The following DVL1 variants were observed in gnomAD, a reference collection of about 807,000 sequenced individuals.
The protein encoded by DVL1 is segment polarity protein dishevelled homolog DVL-1.
A neutral mutation model predicts 65.0 loss-of-function variants in DVL1; 49 were observed. The ratio of observed to expected loss-of-function variants is 0.75; its 90% CI spans 0.60 to 0.96. The LOEUF is 0.96. DVL1 is among the 40% of genes least tolerant of loss of function. DVL1 has a pLI of 0.00. For missense variants in DVL1, 1,197 were observed against 1,045.4 expected (o/e 1.15, Z -2.00); for synonymous variants, 608 against 433.9 (o/e 1.40, Z -4.99).
chr1:1,346,683 G>A (rs564705891), intron 1 of DVL1, among the ~76,000 whole-genome samples: 1 of 152,360 alleles, frequency 6.6e-6, no homozygotes, highest in South Asian at 2.1e-4. Flanking sequence ...TGCACTGCAA[G>A]GTGGTCAGTC....
chr1:1,338,358 C>T lies in DVL1; in HGVS notation c.1418G>A (p.Ser473Asn). 1.2e-6 allele frequency: 2 copies of T among 1,612,692 alleles called. No individual in the cohort carries two copies. The highest frequency in any genetic ancestry group is 2.2e-5 in the South Asian group (2 of 91,090). Residue 473 changes from serine to asparagine, a missense_variant, in exon 13 of 15, where the codon AGC (serine) becomes AAC (asparagine). By Grantham distance (46) the Ser-to-Asn change is conservative. Coordinates refer to ENST00000378888, the MANE Select transcript of DVL1 (RefSeq NM_001330311.2). ...ERREARKYASSLLKHGFLRHT... is the reference protein window; with the variant it reads ...ERREARKYASNLLKHGFLRHT... ...CCGCAGGAAGCCGTGCTTCAGCAAG[C>T]TGCTGGCGTACTTCCGGGCCTCCCG...
Position 1,337,983 on chromosome 1 carries a change from TCTG to T in DVL1, c.1705_1707del (p.Gln569del), listed in dbSNP as rs1365722012. 1.3e-5 allele frequency: 21 copies of T among 1,611,030 alleles called. No individual in the cohort carries two copies. The highest frequency in any genetic ancestry group is 1.8e-5 in the Non-Finnish European group (21 of 1,179,570). On this transcript the variant is annotated inframe_deletion, in exon 14 of 15. Transcript: ENST00000378888. ...GTAGGGGCGGCGTTCTCACCTTCAC[TCTG>T]CTGACTCCCGGTGCTGCCGCTGCCA...
Position 1,342,086 on chromosome 1 carries a change from G to T in DVL1, c.433C>A (p.Arg145=). The change falls in exon 4 of 15, where the codon CGG becomes AGG. Residue 145 remains arginine (R), a synonymous_variant. Transcript: ENST00000378888. ...CGGTTCCGGCGTCGGGCACGCTCCC[G>T]CCGGTGACTGACCATGGACTCCGTG... ...TGTESMVSHR[R]ERARRRNREE... is the part of the protein sequence containing the mutation. 6.3e-7 allele frequency: 1 copy of T among 1,593,478 alleles called. No individual in the cohort carries two copies. The highest frequency in any genetic ancestry group is 8.5e-7 in the Non-Finnish European group (1 of 1,171,296).
chr1:1,336,534 T>TG lies in DVL1; in HGVS notation c.1715-20dup. The stretch of plus-strand genomic sequence containing the variant: ...TTGCTCCCTGGGAGTGAGAACAGGA[T>TG]GGGGAAGGAGCCTGTCAGCACCAGG... On this transcript the variant is annotated intron_variant, in intron 14 of 14. Coordinates refer to ENST00000378888, the MANE Select transcript of DVL1 (RefSeq NM_001330311.2). The TG allele has an allele frequency of 6.7e-7, 1 of 1,493,194 alleles. No homozygotes were observed. Among genetic ancestry groups the TG allele is most frequent in the East Asian group, 2.4e-5 (1 of 42,182 alleles). The allele number at this position is 1,493,194 out of a possible 1,614,324, so 92.5% of individuals were successfully genotyped here.
At chr1:1,340,603 G>C (rs1643765893) in intron 5 of DVL1, 100 bp from the exon 6 acceptor site, 2 of 1,325,070 alleles carry the variant, frequency 1.5e-6, no homozygotes, top group Admixed American at 4.2e-5. Context: ...GTCTAGGCCA[G>C]GCTTGTTCCA....
intron 1 of DVL1, among the ~76,000 whole-genome samples, chr1:1,348,243 G>A (rs1453526731): frequency 1.3e-5 from 2 of 152,194 alleles, no homozygotes; most frequent in Non-Finnish European, 2.9e-5. Flanking sequence ...AGGCCCAGCA[G>A]GGAGACGCTG....
chr1:1,348,279 T>G (rs1569752596), intron 1 of DVL1, among the ~76,000 whole-genome samples: 1 of 151,918 alleles, frequency 6.6e-6, no homozygotes, highest in African/African-American at 2.4e-5. Context: ...AAACAGCAGA[T>G]GGTCTGGGCT....
chr1:1,343,720 G>A (rs549568564), intron 1 of DVL1, among the ~76,000 whole-genome samples: 11 of 152,138 alleles, frequency 7.2e-5, no homozygotes, highest in East Asian at 5.8e-4. Context: ...CCCGACGGAC[G>A]GACGTAGGTG....
Position 1,335,850 on chromosome 1 carries a change from A to C in DVL1, c.*292T>G, listed in dbSNP as rs1643552907. 2.0e-6 allele frequency: 1 copy of C among 491,002 alleles called. No homozygotes were observed. Among genetic ancestry groups the C allele is most frequent in the African/African-American group, 2.0e-5 (1 of 49,974 alleles). The allele number at this position is 491,002 out of a possible 1,614,324, so 30.4% of individuals were successfully genotyped here. On this transcript the variant is annotated 3_prime_UTR_variant, in exon 15 of 15. Coordinates refer to ENST00000378888, the MANE Select transcript of DVL1 (RefSeq NM_001330311.2). Reference sequence around the variant, plus strand: ...GTGCAGGAGGTGGGGGTCAGCCGAGAGCCCGAGGGGGTCTTCCTCATCCCA... The same window carrying C: ...GTGCAGGAGGTGGGGGTCAGCCGAGCGCCCGAGGGGGTCTTCCTCATCCCA...
In DVL1 at chr1:1,349,005, G is replaced by C; in HGVS notation, c.61C>G (p.Leu21Val). ...GTGACGCGCTCGGGGGCCACGGGCAGCTTGACCAGGTACGGCGTCTCCTCC... is the reference window on the plus strand; with the variant it reads ...GTGACGCGCTCGGGGGCCACGGGCACCTTGACCAGGTACGGCGTCTCCTCC... The part of the protein sequence containing the change: ...DEEETPYLVK[L>V]PVAPERVTLA... The change falls in exon 1 of 15, where the codon CTG becomes GTG. Residue 21 changes from leucine (L) to valine (V), a missense_variant. Physicochemically the swap from Leu to Val is conservative, Grantham distance 32 (BLOSUM62 1). Coordinates refer to ENST00000378888, the MANE Select transcript of DVL1 (RefSeq NM_001330311.2). This position sits in a 1 kb window ranked among gnomAD's most constrained non-coding sequence, Gnocchi z 4.1. The C allele has an allele frequency of 6.3e-7, 1 of 1,576,086 alleles. No homozygotes were observed. The highest frequency in any genetic ancestry group is 2.4e-5 in the East Asian group (1 of 41,092).
chr1:1,339,434 G>A lies in DVL1; in HGVS notation c.1060C>T (p.Pro354Ser). The change falls in exon 11 of 15, where the codon CCG (proline) becomes TCG (serine). Residue 354 changes from proline (P) to serine (S), a missense_variant. Transcript: ENST00000378888. ...RSYFTVPRADPVRPIDPAAWL... is the reference protein window; with the variant it reads ...RSYFTVPRADSVRPIDPAAWL... Reference sequence around the variant, plus strand: ...GCGGCGGGGTCGATGGGCCGCACCGGGTCAGCTGGGTGGCCGCCACGTGGC... The same window carrying A: ...GCGGCGGGGTCGATGGGCCGCACCGAGTCAGCTGGGTGGCCGCCACGTGGC... 6.5e-7 allele frequency: 1 copy of A among 1,547,730 alleles called. No individual in the cohort carries two copies. The highest frequency in any genetic ancestry group is 8.7e-7 in the Non-Finnish European group (1 of 1,145,444).
At chr1:1,348,308 C>T (rs1643951146) in intron 1 of DVL1, among the ~76,000 whole-genome samples, 2 of 152,264 alleles carry the variant, frequency 1.3e-5, no homozygotes, top group South Asian at 4.1e-4. Context: ...AACGCAAGTG[C>T]TTTGTGGCTC....
At chr1:1,337,907 G>T in intron 14 of DVL1, 70 bp downstream of exon 14, 2 of 1,257,536 alleles carry the variant, frequency 1.6e-6, no homozygotes, top group Non-Finnish European at 2.3e-6. Context: ...AACTGGGGGC[G>T]GAGCAGCAGT....
At chr1:1,347,537 T>C (rs1643934859) in intron 1 of DVL1, among the ~76,000 whole-genome samples, 1 of 152,174 alleles carries the variant, frequency 6.6e-6, no homozygotes, top group South Asian at 2.1e-4. Flanking sequence ...GGGCACCTCC[T>C]CACTACGCAT....
chr1:1,344,595 G>A (rs1191264904), intron 1 of DVL1, among the ~76,000 whole-genome samples: 1 of 152,120 alleles, frequency 6.6e-6, no homozygotes, highest in Non-Finnish European at 1.5e-5. Flanking sequence ...GCCAGGCCAT[G>A]AGGTAGACGC....
At chr1:1,336,571 C>A in intron 14 of DVL1, 56 bp from the exon 15 acceptor site, 2 of 1,471,500 alleles carry the variant, frequency 1.4e-6, no homozygotes, top group South Asian at 2.8e-5. Context: ...CCGGCCACGT[C>A]CAGAACAACC....
chr1:1,340,399 C>T lies in DVL1; in HGVS notation c.699+11G>A, dbSNP rs189762251. 3.4e-4 allele frequency: 549 copies of T among 1,611,340 alleles called. 2 individuals carry two copies. Among genetic ancestry groups the T allele is most frequent in the South Asian group, 3.0e-3 (270 of 90,844 alleles). On this transcript the variant is annotated intron_variant, in intron 6 of 14. Transcript: ENST00000378888. Reference sequence around the variant, plus strand: ...CTCCCCAGCCCCGCCCTGCTCCACCCGGCTGCCTACCCGGTCCGCCTGCCG... The same window carrying T: ...CTCCCCAGCCCCGCCCTGCTCCACCTGGCTGCCTACCCGGTCCGCCTGCCG...
chr1:1,348,584 G>A (rs900507227), intron 1 of DVL1, among the ~76,000 whole-genome samples: 25 of 152,220 alleles, frequency 1.6e-4, no homozygotes, highest in African/African-American at 6.0e-4. Flanking sequence ...ACCAACGGCA[G>A]GCGCTCCCGG....
chr1:1,336,473 G>T lies in DVL1; in HGVS notation c.1757C>A (p.Pro586Gln). 1 of 1,550,942 alleles carries T rather than the reference G, an allele frequency of 6.4e-7. No homozygotes were observed. The highest frequency in any genetic ancestry group is 8.6e-7 in the Non-Finnish European group (1 of 1,157,662). ...CGCCCGACGCTCCTTCTCACGGCCC[G>T]GGGCCCGGCGGCTGCTCCGGGTGGA... is the stretch of plus-strand genomic sequence containing the variant. ...SGSTRSSRRA[P>Q]GREKERRAAG... Residue 586 changes from proline (P) to glutamine (Q), a missense_variant, in exon 15 of 15, where the codon CCG (proline) becomes CAG (glutamine). Transcript: ENST00000378888.
Sources: gnomAD v4.1 joint callset for allele counts (sites outside exome capture counted in the v4.1 genomes callset) on GRCh38, gnomAD v4.1.1 for gene constraint, Gnocchi (gnomAD v3.1) non-coding constraint, MANE v1.5 for transcripts, NCBI Gene and HGNC (gene_info 2026-07-23, HGNC 2026-07-21) for gene names.